BMPR2: variants seen among roughly 807,000 people sequenced by gnomAD.
BMPR2 encodes the protein bone morphogenetic protein receptor type 2.
BMPR2 carries 29 observed loss-of-function variants against 100.8 expected under a neutral mutation model. The observed-to-expected ratio is 0.29, with a 90% CI of 0.21 to 0.39. The LOEUF (loss-of-function observed/expected upper bound fraction) is 0.39, where lower values mean the gene tolerates loss of function less well. Ranked by LOEUF, BMPR2 falls within the 10% of genes least tolerant of loss-of-function variation. The pLI is 1.00. For missense variants in BMPR2, 1,011 were observed against 1,274.5 expected (o/e 0.79, Z 3.15); for synonymous variants, 382 against 442.3 (o/e 0.86, Z 1.71).
rs143972538 is a variant in BMPR2 at position 202,429,925 on chromosome 2, G to A, written c.77-34884G>A. Among the ~76,000 whole-genome samples the A allele has an allele frequency of 3.0e-3, 456 of 152,288 alleles. 2 individuals are homozygous for A. The highest frequency in any genetic ancestry group is 0.011 in the African/African-American group (442 of 41,554). ...GACACGTGGGGATTATGGGGATTAC[G>A]ATTTGAGATGAGATTTGGGTGGGGA... is the stretch of plus-strand genomic sequence containing the variant. On this transcript the variant is annotated intron_variant, in intron 1 of 12. Transcript: ENST00000374580.
At chr2:202,555,133 T>C in intron 11 of BMPR2, 119 bp from the exon 12 acceptor site, 1 of 919,184 alleles carries the variant, frequency 1.1e-6, no homozygotes, top group Non-Finnish European at 1.7e-6. Context: ...TTTAGAAAAA[T>C]GTACGTTTGG....
At chr2:202,470,373 C>G (rs1692411669) in intron 3 of BMPR2, among the ~76,000 whole-genome samples, 1 of 151,862 alleles carries the variant, frequency 6.6e-6, no homozygotes, top group African/African-American at 2.4e-5. Context: ...AGGAACGAAG[C>G]CTTCTTAGAA....
intron 1 of BMPR2, among the ~76,000 whole-genome samples, chr2:202,437,187 G>C (rs1345879308): frequency 1.3e-5 from 2 of 149,964 alleles, no homozygotes. Flanking sequence ...TATATTTTTA[G>C]TAGAGATGGG....
intron 3 of BMPR2, among the ~76,000 whole-genome samples, chr2:202,487,680 A>G (rs183527566): frequency 1.3e-5 from 2 of 152,346 alleles, no homozygotes; most frequent in East Asian, 3.9e-4. Flanking sequence ...TTCCTCGAAG[A>G]AAATACCACC....
intron 10 of BMPR2, among the ~76,000 whole-genome samples, chr2:202,549,079 T>C (rs907844080): frequency 1.3e-5 from 2 of 152,190 alleles, no homozygotes; most frequent in African/African-American, 4.8e-5. Flanking sequence ...ACTGATCTGC[T>C]TTCTGTCACT....
chr2:202,502,452 AAAG>A (rs1361155309), intron 3 of BMPR2, among the ~76,000 whole-genome samples: 5 of 152,144 alleles, frequency 3.3e-5, no homozygotes, highest in South Asian at 4.1e-4. Context: ...AGGAAGAGAC[AAAG>A]AAGAAGTTGA....
intron 3 of BMPR2, chr2:202,505,328 C>G (rs960998038): frequency 1.4e-5 from 2 of 146,832 alleles, no homozygotes; most frequent in African/African-American, 5.1e-5. Flanking sequence ...AGAGGACACT[C>G]TCTTAGGAGC....
At chr2:202,482,292 A>T (rs186582830) in intron 3 of BMPR2, among the ~76,000 whole-genome samples, 1 of 152,248 alleles carries the variant, frequency 6.6e-6, no homozygotes, top group Non-Finnish European at 1.5e-5. Context: ...TAGGTATACA[A>T]ATATCTCTTT....
intron 7 of BMPR2, among the ~76,000 whole-genome samples, chr2:202,522,451 G>A (rs183141575): frequency 1.3e-4 from 19 of 151,380 alleles, no homozygotes; most frequent in Non-Finnish European, 2.4e-4. Context: ...AGGTTGCAAT[G>A]AGCCGAGATC....
chr2:202,420,572 A>G (rs1260310323), intron 1 of BMPR2, among the ~76,000 whole-genome samples: 1 of 112,716 alleles, frequency 8.9e-6, no homozygotes, highest in Non-Finnish European at 1.7e-5. Context: ...TTTTTGAGAC[A>G]GAGTCTTGCT....
chr2:202,455,436 G>A (rs1049021565), intron 1 of BMPR2, among the ~76,000 whole-genome samples: 4 of 152,154 alleles, frequency 2.6e-5, no homozygotes, highest in Non-Finnish European at 5.9e-5. Flanking sequence ...ATTAGACAAT[G>A]TAGATTATAG....
At chr2:202,400,143 TTTA>T (rs1196948900) in intron 1 of BMPR2, among the ~76,000 whole-genome samples, 45 of 151,794 alleles carry the variant, frequency 3.0e-4, no homozygotes, top group Non-Finnish European at 5.9e-5. Context: ...GTTGAATTAG[TTTA>T]TTATTATTAT....
intron 1 of BMPR2, among the ~76,000 whole-genome samples, chr2:202,392,968 G>A (rs958426342): frequency 7.1e-6 from 1 of 141,170 alleles, no homozygotes; most frequent in Non-Finnish European, 1.5e-5. Flanking sequence ...TCCAGCCTGG[G>A]CAACAAGAGC....
At position 202,559,774 on chromosome 2, in the gene BMPR2, A is replaced by G. The variant is rs1085307403; in HGVS notation, c.2945A>G (p.Lys982Arg). 1.2e-6 allele frequency: 2 copies of G among 1,614,172 alleles called. No individual in the cohort carries two copies. The highest frequency in any genetic ancestry group is 1.7e-6 in the Non-Finnish European group (2 of 1,180,016). Reference protein sequence around the residue: ...KKRVKTPYSLKRWRPSTWVIS... With the variant: ...KKRVKTPYSLRRWRPSTWVIS... The stretch of plus-strand genomic sequence containing the variant: ...CGTGTGAAAACTCCCTATTCTCTTA[A>G]GCGGTGGCGCCCCTCCACCTGGGTC... Residue 982 changes from lysine to arginine, a missense_variant, in exon 13 of 13, where the codon AAG becomes AGG. This residue lies in a region of BMPR2 where 58 missense variants were observed against 72.3 expected (regional missense o/e 0.80). Coordinates refer to ENST00000374580, the MANE Select transcript of BMPR2 (RefSeq NM_001204.7).
In BMPR2 at chr2:202,532,582, C is replaced by G. The variant is rs748230358; in HGVS notation, c.1129-3C>G. ...TCTAAAAAATATCACTCTAATTTAT[C>G]AGGTTGGCACTATCAGATATATGGC... is the stretch of plus-strand genomic sequence containing the variant. On this transcript the variant is annotated splice_region_variant and splice_polypyrimidine_tract_variant and intron_variant, in intron 8 of 12. Coordinates refer to ENST00000374580, the MANE Select transcript of BMPR2 (RefSeq NM_001204.7). This position sits in a 1 kb window ranked among gnomAD's most constrained non-coding sequence, Gnocchi z 4.1. The G allele has an allele frequency of 6.2e-7, 1 of 1,613,728 alleles. No individual in the cohort carries two copies.
intron 1 of BMPR2, among the ~76,000 whole-genome samples, chr2:202,457,113 A>G (rs1692125000): frequency 6.6e-6 from 1 of 151,940 alleles, no homozygotes; most frequent in South Asian, 2.1e-4. Context: ...TTCAAAACAG[A>G]TTTATTATCT....
At chr2:202,456,063 C>CAAAAA (rs750470872) in intron 1 of BMPR2, among the ~76,000 whole-genome samples, 4 of 36,762 alleles carry the variant, frequency 1.1e-4, no homozygotes, top group South Asian at 7.9e-4. Context: ...AGACCCGTCT[C>CAAAAA]AAAAAAAAAA....
intron 3 of BMPR2, among the ~76,000 whole-genome samples, chr2:202,490,047 C>T (rs1369554832): frequency 6.6e-6 from 1 of 152,164 alleles, no homozygotes; most frequent in African/African-American, 2.4e-5. Context: ...GATCAAGGGG[C>T]AACATTTACT....
At chr2:202,551,039 A>G (rs1001111721) in intron 10 of BMPR2, among the ~76,000 whole-genome samples, 1 of 139,794 alleles carries the variant, frequency 7.2e-6, no homozygotes, top group East Asian at 2.1e-4. Flanking sequence ...TCACTCCAAC[A>G]TCCGCCTCCT....
Sources: allele counts gnomAD v4.1 joint callset (sites outside exome capture counted in the v4.1 genomes callset), GRCh38; gene constraint gnomAD v4.1.1; regional missense constraint gnomAD v4.1.1; non-coding constraint Gnocchi (gnomAD v3.1); transcripts MANE v1.5; gene names NCBI Gene and HGNC (gene_info 2026-07-23, HGNC 2026-07-21).